Variants in SHANK2 observed in about 807,000 individuals in gnomAD.
The protein encoded by SHANK2 is SH3 and multiple ankyrin repeat domains 2.
A neutral mutation model predicts 133.7 loss-of-function variants in SHANK2; 43 were observed. That is an observed-to-expected ratio of 0.32 (90% confidence interval 0.25 to 0.41). The LOEUF (loss-of-function observed/expected upper bound fraction) is 0.41. Among genes scored for constraint, SHANK2 ranks in the 10% least tolerant of loss-of-function variants. The pLI is 1.00. For synonymous variants in SHANK2, 1,017 were observed against 952.8 expected, an observed-to-expected ratio of 1.07 and a Z score of -1.24; for missense variants, 1,994 against 2,235.8, an observed-to-expected ratio of 0.89 and a Z score of 2.18.
intron 17 of SHANK2, among the ~76,000 whole-genome samples, chr11:70,625,229 T>C (rs149114189): frequency 6.6e-6 from 1 of 152,172 alleles, no homozygotes; most frequent in African/African-American, 2.4e-5. Context: ...CTCCCAGAGA[T>C]GACGTGTGAC....
intron 2 of SHANK2, among the ~76,000 whole-genome samples, chr11:71,206,309 G>A (rs1479754634): frequency 4.6e-5 from 7 of 152,144 alleles, no homozygotes; most frequent in South Asian, 2.1e-4. Flanking sequence ...TCCTCTGTGC[G>A]TTTAGTTAAC....
intron 17 of SHANK2, among the ~76,000 whole-genome samples, chr11:70,528,098 G>GAACCAGGATGGCGGCGCAGA (rs2059422184): frequency 6.6e-6 from 1 of 152,240 alleles, no homozygotes; most frequent in Non-Finnish European, 1.5e-5. Context: ...CAGAAGGTAG[G>GAACCAGGATGGCGGCGCAGA]AACCAGGATG....
chr11:70,578,544 A>G (rs1005555534), intron 17 of SHANK2, among the ~76,000 whole-genome samples: 6 of 152,128 alleles, frequency 3.9e-5, no homozygotes, highest in African/African-American at 1.2e-4. Context: ...CTTCATTTGC[A>G]CCATTCTGGT....
intron 17 of SHANK2, among the ~76,000 whole-genome samples, chr11:70,601,061 A>ATCTATG: frequency 6.9e-6 from 1 of 144,344 alleles, no homozygotes; most frequent in African/African-American, 2.5e-5. Flanking sequence ...CTATATCTAT[A>ATCTATG]TCTATATTTG....
At chr11:71,231,299 A>G (rs1247105254) in intron 1 of SHANK2, among the ~76,000 whole-genome samples, 2 of 152,258 alleles carry the variant, frequency 1.3e-5, no homozygotes, top group African/African-American at 4.8e-5. Context: ...ACAGATGGCA[A>G]TAAGCACATG....
At position 71,110,210 on chromosome 11, in the gene SHANK2, G is replaced by A. The variant is rs578139162; in HGVS notation, c.484-161C>T. Among the ~76,000 whole-genome samples, 9 of 152,288 alleles carry A rather than the reference G, an allele frequency of 5.9e-5. No homozygotes were observed. The South Asian group carries it at 1.5e-3, about 25-fold the overall frequency. ...TCCCAGCACTTTGTGAGGCCGAGGC[G>A]GGCAGATCACGAGGTCAGGAGATCG... On this transcript the variant is annotated intron_variant, in intron 5 of 25. Coordinates refer to ENST00000601538, the MANE Select transcript of SHANK2 (RefSeq NM_012309.5).
chr11:71,215,792 G>A (rs868956912), intron 2 of SHANK2, among the ~76,000 whole-genome samples: 4 of 152,118 alleles, frequency 2.6e-5, no homozygotes, highest in Non-Finnish European at 4.4e-5. Flanking sequence ...CCCCAGAAGC[G>A]GCACCCCCAC....
intron 14 of SHANK2, among the ~76,000 whole-genome samples, chr11:70,702,152 C>A (rs1168298496): frequency 6.6e-6 from 1 of 150,996 alleles, no homozygotes; most frequent in African/African-American, 2.4e-5. Context: ...TCTTCTTCAC[C>A]ATCATCACCA....
intron 2 of SHANK2, among the ~76,000 whole-genome samples, chr11:71,199,195 T>C (rs1461605988): frequency 6.6e-6 from 1 of 152,196 alleles, no homozygotes; most frequent in Non-Finnish European, 1.5e-5. Context: ...CTGTGTCACT[T>C]TGAGAAAGTC....
intron 15 of SHANK2, among the ~76,000 whole-genome samples, chr11:70,697,548 T>C (rs899461543): frequency 2.6e-5 from 4 of 152,194 alleles, no homozygotes; most frequent in Admixed American, 2.0e-4. Context: ...GTGGTGATGG[T>C]TGCCCAATAT....
In SHANK2 at chr11:70,763,840, G is replaced by T. The variant is rs782056494; in HGVS notation, c.1777+34603C>A. Among the ~76,000 whole-genome samples the T allele has an allele frequency of 3.9e-5, 6 of 152,132 alleles. 1 individual carries two copies. The highest frequency in any genetic ancestry group is 8.8e-5 in the Non-Finnish European group (6 of 68,014). ...CATTGCAGGCTTACTAGAGAGAGAG[G>T]CTCAGCTGTCCTGGGCCTCTGGGCA... On this transcript the variant is annotated intron_variant, in intron 14 of 25. Transcript: ENST00000601538.
chr11:70,685,892 T>C (rs1555019405), intron 15 of SHANK2, among the ~76,000 whole-genome samples: 2 of 152,034 alleles, frequency 1.3e-5, no homozygotes, highest in Non-Finnish European at 2.9e-5. Context: ...CTGCCCAACT[T>C]TGGTCCCCAC....
At chr11:71,073,954 C>T (rs1951184467) in intron 9 of SHANK2, among the ~76,000 whole-genome samples, 1 of 152,188 alleles carries the variant, frequency 6.6e-6, no homozygotes, top group East Asian at 1.9e-4. Context: ...TGCATCCCAG[C>T]TACAGAGGGT....
In SHANK2 at chr11:70,535,821, C is replaced by CTGAG. The variant is rs2059535829; in HGVS notation, c.2062-32891_2062-32890insCTCA. Among the ~76,000 whole-genome samples, 1 of 152,192 alleles carries CTGAG rather than the reference C, an allele frequency of 6.6e-6. No individual in the cohort carries two copies. The highest frequency in any genetic ancestry group is 6.5e-5 in the Admixed American group (1 of 15,292). The stretch of plus-strand genomic sequence containing the variant: ...GCCATCCGCTGGCAGGGAGCTGGGC[C>CTGAG]CAGGCACTTGGGAAGCTTGGGAGCC... On this transcript the variant is annotated intron_variant, in intron 17 of 25. Transcript: ENST00000601538. This position sits in a 1 kb window ranked among gnomAD's most constrained non-coding sequence, Gnocchi z 4.3.
chr11:70,525,618 G>T (rs919270910), intron 17 of SHANK2, among the ~76,000 whole-genome samples: 2 of 152,056 alleles, frequency 1.3e-5, no homozygotes, highest in Non-Finnish European at 2.9e-5. Context: ...GAACAGGAGC[G>T]AACAGGGTCC....
At position 70,569,737 on chromosome 11, in the gene SHANK2, C is replaced by G. The variant is rs77729978; in HGVS notation, c.2062-66806G>C. ...AATCAGAATCCTGCCTGGGTTTTTC[C>G]TCTACATCTACTGGGGAAGATGCTC... On this transcript the variant is annotated intron_variant, in intron 17 of 25. Transcript: ENST00000601538. The surrounding 1 kb of genome is among the most constrained non-coding windows in gnomAD (Gnocchi z 5.1). Among the ~76,000 whole-genome samples, 5,934 of 152,162 alleles carry G rather than the reference C, an allele frequency of 0.039. 197 individuals are homozygous for G. Among genetic ancestry groups the G allele is most frequent in the Middle Eastern group, 0.11 (31 of 294 alleles).
chr11:70,683,741 CTG>C (rs553367750), intron 15 of SHANK2, among the ~76,000 whole-genome samples: 266 of 152,066 alleles, frequency 1.7e-3, no homozygotes, highest in Non-Finnish European at 2.7e-3. Flanking sequence ...ATCTCTGCCT[CTG>C]TGGTCATGTG....
intron 1 of SHANK2, among the ~76,000 whole-genome samples, chr11:71,236,697 A>G (rs117029081): frequency 0.025 from 3,733 of 152,324 alleles, 67 homozygotes; most frequent in Non-Finnish European, 0.036. Context: ...TTTTACTGGA[A>G]TACAGCTGTG....
intron 3 of SHANK2, among the ~76,000 whole-genome samples, chr11:71,134,059 A>T (rs1555104275): frequency 7.0e-6 from 1 of 143,426 alleles, no homozygotes. Flanking sequence ...AAGAGCTTTT[A>T]CCTTTCTCGG....
Sources: allele counts gnomAD v4.1 joint callset (sites outside exome capture counted in the v4.1 genomes callset), GRCh38; gene constraint gnomAD v4.1.1; non-coding constraint Gnocchi (gnomAD v3.1); transcripts MANE v1.5; gene names NCBI Gene and HGNC (gene_info 2026-07-23, HGNC 2026-07-21).